The following PDE7B variants were observed in gnomAD, a reference collection of about 807,000 sequenced individuals.
The protein encoded by PDE7B is 3',5'-cyclic-AMP phosphodiesterase 7B.
PDE7B carries 29 observed loss-of-function variants against 56.2 expected under a neutral mutation model. The ratio of observed to expected loss-of-function variants is 0.52; its 90% confidence interval spans 0.38 to 0.70. PDE7B has a LOEUF of 0.70. PDE7B is among the 30% of genes least tolerant of loss of function. The pLI is 0.00. For synonymous variants in PDE7B, 197 were observed against 196.9 expected (o/e 1.00, Z 0.00); for missense variants, 490 against 565.0 (o/e 0.87, Z 1.35).
intron 8 of PDE7B, among the ~76,000 whole-genome samples, chr6:136,159,316 T>G (rs1359370396): frequency 6.6e-6 from 1 of 152,218 alleles, no homozygotes; most frequent in African/African-American, 2.4e-5. Context: ...AAGGTGTTTT[T>G]GGAAAGTAGT....
chr6:136,161,649 C>T (rs1778705693), intron 8 of PDE7B, among the ~76,000 whole-genome samples: 1 of 152,090 alleles, frequency 6.6e-6, no homozygotes, highest in Non-Finnish European at 1.5e-5. Context: ...TGGATTTTAC[C>T]TAAGTCTAAG....
chr6:136,188,777 A>C (rs1425509314), intron 12 of PDE7B, among the ~76,000 whole-genome samples: 5 of 152,330 alleles, frequency 3.3e-5, no homozygotes, highest in South Asian at 4.1e-4. Flanking sequence ...TCTTTTAAAA[A>C]GGGGCTGGGG....
intron 1 of PDE7B, among the ~76,000 whole-genome samples, chr6:135,937,069 T>C (rs890725130): frequency 3.9e-5 from 6 of 152,336 alleles, no homozygotes; most frequent in East Asian, 3.9e-4. Context: ...TTAGACATAA[T>C]TGGGAGTATG....
Position 136,056,512 on chromosome 6 carries a change from C to CTTTT in PDE7B, c.83-52185_83-52182dup, listed in dbSNP as rs542232291. On this transcript the variant is annotated intron_variant, in intron 2 of 12. Coordinates refer to ENST00000308191, the MANE Select transcript of PDE7B (RefSeq NM_018945.4). ...TCTGAGCTCCTTTGCAGATAGAATCCTTTTTTTTTTTTTTTTTTTTTTTTT... is the reference window on the plus strand; with the variant it reads ...TCTGAGCTCCTTTGCAGATAGAATCCTTTTTTTTTTTTTTTTTTTTTTTTTTTTT... 1.9e-3 allele frequency among the ~76,000 whole-genome samples: 102 copies of CTTTT among 53,948 alleles called. 27 individuals carry two copies. Among genetic ancestry groups the CTTTT allele is most frequent in the African/African-American group, 9.1e-3 (96 of 10,492 alleles). 35.4% of individuals were successfully genotyped at this position (53,948 alleles called of 152,430 possible). A position where few individuals can be genotyped will look rare whatever the true frequency, so the allele number is the denominator to read the frequency against.
chr6:135,953,968 T>C (rs1032158701), intron 2 of PDE7B, among the ~76,000 whole-genome samples: 12 of 152,172 alleles, frequency 7.9e-5, no homozygotes, highest in African/African-American at 2.9e-4. Context: ...TCACTCTCTC[T>C]ATATGCGTGC....
At chr6:135,944,737 T>C (rs542024852) in intron 1 of PDE7B, among the ~76,000 whole-genome samples, 3 of 152,116 alleles carry the variant, frequency 2.0e-5, no homozygotes, top group South Asian at 4.1e-4. Context: ...AGACCCCAGC[T>C]CCTGTGCCCA....
chr6:135,986,458 C>T (rs577497867), intron 2 of PDE7B, among the ~76,000 whole-genome samples: 1 of 152,300 alleles, frequency 6.6e-6, no homozygotes, highest in African/African-American at 2.4e-5. Flanking sequence ...TCTAAGGAGA[C>T]TCAATCCAGC....
At chr6:136,116,077 G>T (rs1367298597) in intron 3 of PDE7B, among the ~76,000 whole-genome samples, 1 of 152,138 alleles carries the variant, frequency 6.6e-6, no homozygotes, top group Non-Finnish European at 1.5e-5. Context: ...CAAAGTAAAT[G>T]ATCTAATTCT....
chr6:136,111,533 T>A (rs1480673602), intron 3 of PDE7B, among the ~76,000 whole-genome samples: 1 of 152,232 alleles, frequency 6.6e-6, no homozygotes, highest in African/African-American at 2.4e-5. Context: ...AGTTTGCAAT[T>A]ACAACAGCTT....
chr6:136,028,381 G>A (rs1358606636), intron 2 of PDE7B, among the ~76,000 whole-genome samples: 2 of 152,216 alleles, frequency 1.3e-5, no homozygotes, highest in African/African-American at 4.8e-5. Flanking sequence ...TTAGAGAAGT[G>A]GAAAAATCTT....
chr6:135,927,627 A>G (rs1307772639), intron 1 of PDE7B, among the ~76,000 whole-genome samples: 1 of 152,064 alleles, frequency 6.6e-6, no homozygotes, highest in African/African-American at 2.4e-5. Flanking sequence ...TATTCCTAGG[A>G]ATTTTATTCT....
At chr6:136,134,691 GTCAGAGAT>G (rs1376509224) in intron 3 of PDE7B, among the ~76,000 whole-genome samples, 1 of 141,764 alleles carries the variant, frequency 7.1e-6, no homozygotes, top group Non-Finnish European at 1.5e-5. Flanking sequence ...AACCCCGGAT[GTCAGAGAT>G]TCAACCCATT....
rs1185551775 is a variant in PDE7B at position 136,141,266 on chromosome 6, C to T, written c.167-6085C>T. Among the ~76,000 whole-genome samples, 4 of 152,020 alleles carry T rather than the reference C, an allele frequency of 2.6e-5. No individual in the cohort carries two copies. In the East Asian group the frequency reaches 7.7e-4, roughly 29 times the overall value. On this transcript the variant is annotated intron_variant, in intron 3 of 12. Transcript: ENST00000308191. Reference sequence around the variant, plus strand: ...TGGTTCTGTTTATATGCTGGATTACCTTTATTGATTTGCGTATGTTGAACC... The same window carrying T: ...TGGTTCTGTTTATATGCTGGATTACTTTTATTGATTTGCGTATGTTGAACC...
chr6:136,157,293 G>A (rs550491621), intron 8 of PDE7B, among the ~76,000 whole-genome samples: 1 of 152,248 alleles, frequency 6.6e-6, no homozygotes, highest in Admixed American at 6.5e-5. Context: ...TCTAGAAAGT[G>A]ATCGAGGCCT....
At chr6:135,934,805 ATT>A (rs1289858378) in intron 1 of PDE7B, among the ~76,000 whole-genome samples, 41 of 117,718 alleles carry the variant, frequency 3.5e-4, no homozygotes, top group African/African-American at 1.3e-3. Flanking sequence ...AAATATATAT[ATT>A]TATTATATAT....
chr6:135,966,938 T>C (rs1388429194), intron 2 of PDE7B, among the ~76,000 whole-genome samples: 1 of 152,156 alleles, frequency 6.6e-6, no homozygotes, highest in Non-Finnish European at 1.5e-5. Flanking sequence ...GAAATGAGTG[T>C]GGCCCCATCT....
intron 9 of PDE7B, 41 bp from the exon 10 acceptor site, chr6:136,178,956 T>G: frequency 6.2e-7 from 1 of 1,609,838 alleles, no homozygotes; most frequent in Non-Finnish European, 8.5e-7. Flanking sequence ...CAAAGGGATT[T>G]GCTTTGTGTG....
At chr6:135,982,391 GCT>G (rs147932327) in intron 2 of PDE7B, among the ~76,000 whole-genome samples, 2 of 150,596 alleles carry the variant, frequency 1.3e-5, no homozygotes, top group Non-Finnish European at 3.0e-5. Flanking sequence ...TCACATGTTA[GCT>G]CTCTCTCTCT....
intron 12 of PDE7B, among the ~76,000 whole-genome samples, chr6:136,190,195 C>T (rs1474197979): frequency 6.6e-6 from 1 of 152,100 alleles, no homozygotes; most frequent in African/African-American, 2.4e-5. Flanking sequence ...AATTCAAGAA[C>T]AGCAAGCAAA....
Sources: gnomAD v4.1 joint callset for allele counts (sites outside exome capture counted in the v4.1 genomes callset) on GRCh38, gnomAD v4.1.1 for gene constraint, MANE v1.5 for transcripts, NCBI Gene and HGNC (gene_info 2026-07-23, HGNC 2026-07-21) for gene names.